SLC6A9: variants seen among roughly 807,000 people sequenced by gnomAD.
SLC6A9 encodes solute carrier family 6 member 9.
SLC6A9 carries 31 observed loss-of-function variants against 70.9 expected under a neutral mutation model. The ratio of observed to expected loss-of-function variants is 0.44; its 90% CI spans 0.33 to 0.59. The LOEUF is 0.59. Among genes scored for constraint, SLC6A9 ranks in the 20% least tolerant of loss-of-function variants. SLC6A9 has a pLI of 0.04. For synonymous variants in SLC6A9, 310 were observed against 341.3 expected (o/e 0.91, Z 1.01); for missense variants, 631 against 845.2 (o/e 0.75, Z 3.14).
chr1:44,002,440 A>C lies in SLC6A9; in HGVS notation c.859-24T>G, dbSNP rs1397812921. 6.2e-7 allele frequency: 1 copy of C among 1,612,878 alleles called. No homozygotes were observed. The highest frequency in any genetic ancestry group is 1.3e-5 in the African/African-American group (1 of 74,880). ...ACCTGCAGGGAAGGACCGGTGGGTG[A>C]GGAGCTGTGGGCAGAGGCAGGCACC... On this transcript the variant is annotated intron_variant, in intron 7 of 13. Transcript: ENST00000372310. The surrounding 1 kb of genome is among the most constrained non-coding windows in gnomAD (Gnocchi z 5.5).
At chr1:44,008,223 C>G (rs774628540) in intron 5 of SLC6A9, 130 bp downstream of exon 5, 11 of 897,894 alleles carry the variant, frequency 1.2e-5, no homozygotes, top group Admixed American at 3.8e-5. Flanking sequence ...CTTCACTCAC[C>G]TCTACCCTCT....
rs749492697 is a variant in SLC6A9 at position 43,997,552 on chromosome 1, CG to C, written c.1894del (p.Arg632GlyfsTer23). The part of the protein sequence containing the change: ...SNGSSRLQDS[R>X]I ...CTCCCCTGGCAGCTGTGCTCATATC[CG>C]GGAGTCCTGGAGGCGGCTGGAGCCA... On this transcript the variant is annotated frameshift_variant, in exon 14 of 14. Transcript: ENST00000372310. LOFTEE classifies it high-confidence loss of function. This position sits in a 1 kb window ranked among gnomAD's most constrained non-coding sequence, Gnocchi z 4.4. 1.1e-5 allele frequency: 18 copies of C among 1,613,216 alleles called. No individual in the cohort carries two copies. The East Asian group carries it at 4.0e-4, about 36-fold the overall frequency.
chr1:44,010,182 C>A, intron 3 of SLC6A9, 86 bp from the exon 4 acceptor site: 1 of 1,493,972 alleles, frequency 6.7e-7, no homozygotes, highest in Non-Finnish European at 9.2e-7. Flanking sequence ...ACAGCAAAAC[C>A]TTCGCGATTG....
rs3038812 is a variant in SLC6A9 at position 44,017,368 on chromosome 1, AACAC to A, written c.31-6490_31-6487del. 0.19 allele frequency: 156,375 copies of A among 815,050 alleles called. 701 individuals are homozygous for A. The highest frequency in any genetic ancestry group is 0.21 in the Non-Finnish European group (129,088 of 620,850). 50.5% of individuals were successfully genotyped at this position (815,050 alleles called of 1,614,324 possible). A position where few individuals can be genotyped will look rare whatever the true frequency, so the allele number is the denominator to read the frequency against. The stretch of plus-strand genomic sequence containing the variant: ...CTTGTTCCCAGCAAGTAACTGGAAC[AACAC>A]ACACACACACACACACACACACACA... On this transcript the variant is annotated intron_variant, in intron 2 of 13. Coordinates refer to ENST00000372310, the MANE Select transcript of SLC6A9 (RefSeq NM_001024845.3).
Position 44,000,768 on chromosome 1 carries a change from A to G in SLC6A9, c.1535T>C (p.Phe512Ser), listed in dbSNP as rs2086063065. 6.3e-7 allele frequency: 1 copy of G among 1,599,308 alleles called. No homozygotes were observed. The highest frequency in any genetic ancestry group is 2.2e-5 in the East Asian group (1 of 44,756). Residue 512 changes from phenylalanine to serine, a missense_variant and splice_region_variant, in exon 12 of 14, where the codon TTC (phenylalanine) becomes TCC (serine). Transcript: ENST00000372310. ...CWRFVSPAII[F>S]FILVFTVIQY... Reference sequence around the variant, plus strand: ...GGAGGGGCCGGCCAGGGAACTCACGAAGATGATGGCGGGAGAGACGAAGCG... The same window carrying G: ...GGAGGGGCCGGCCAGGGAACTCACGGAGATGATGGCGGGAGAGACGAAGCG...
At chr1:44,005,933 G>A (rs2086293500) in intron 5 of SLC6A9, among the ~76,000 whole-genome samples, 3 of 152,202 alleles carry the variant, frequency 2.0e-5, no homozygotes, top group South Asian at 4.1e-4. Context: ...GAGTGCAGCG[G>A]CTCCACCAGC....
rs1327666707 is a variant in SLC6A9 at position 43,996,740 on chromosome 1, A to T, written c.*805T>A. On this transcript the variant is annotated 3_prime_UTR_variant, in exon 14 of 14. Transcript: ENST00000372310. ...CATGAACGAGGGCAGCACATTTGGG[A>T]AGACTGGGCCTTTAGCCTCATGGAG... 1 of 153,356 alleles carries T rather than the reference A, an allele frequency of 6.5e-6. No individual in the cohort carries two copies. The highest frequency in any genetic ancestry group is 1.5e-5 in the Non-Finnish European group (1 of 68,654). 9.5% of individuals were successfully genotyped at this position (153,356 alleles called of 1,614,324 possible).
intron 1 of SLC6A9, among the ~76,000 whole-genome samples, chr1:44,028,633 T>G (rs893455720): frequency 1.3e-5 from 2 of 152,212 alleles, no homozygotes; most frequent in African/African-American, 4.8e-5. Flanking sequence ...CAGGCACCTG[T>G]AATCCCAGCT....
At chr1:43,998,150 A>G in intron 12 of SLC6A9, 125 bp from the exon 13 acceptor site, 1 of 904,390 alleles carries the variant, frequency 1.1e-6, no homozygotes, top group Non-Finnish European at 1.7e-6. Flanking sequence ...GGGGCAGAAC[A>G]GGGACAGCTG....
chr1:44,002,531 T>TC lies in SLC6A9; in HGVS notation c.838dup (p.Asp280GlyfsTer11). 6.2e-7 allele frequency: 1 copy of TC among 1,614,076 alleles called. No individual in the cohort carries two copies. The highest frequency in any genetic ancestry group is 8.5e-7 in the Non-Finnish European group (1 of 1,179,980). ...TCCCACCTTGGCCTCCAGGATCTTG[T>TC]CCCACTGCGGGGTTAGGTAGTACAT... On this transcript the variant is annotated frameshift_variant, in exon 7 of 14. Coordinates refer to ENST00000372310, the MANE Select transcript of SLC6A9 (RefSeq NM_001024845.3). LOFTEE classifies it high-confidence loss of function. The surrounding 1 kb of genome is among the most constrained non-coding windows in gnomAD (Gnocchi z 5.5).
Position 44,001,304 on chromosome 1 carries a change from G to A in SLC6A9, c.1201-6C>T. The A allele has an allele frequency of 6.2e-7, 1 of 1,614,240 alleles. No homozygotes were observed. The highest frequency in any genetic ancestry group is 8.5e-7 in the Non-Finnish European group (1 of 1,180,034). On this transcript the variant is annotated splice_polypyrimidine_tract_variant and splice_region_variant and intron_variant, in intron 9 of 13. Transcript: ENST00000372310. ...AGCGTCTCCAGGAGGCAGAACTGCAGGATGTGGCTGTCAGATCGGAGACCT... is the reference window on the plus strand; with the variant it reads ...AGCGTCTCCAGGAGGCAGAACTGCAAGATGTGGCTGTCAGATCGGAGACCT...
At chr1:44,014,013 C>T (rs775974633) in intron 2 of SLC6A9, among the ~76,000 whole-genome samples, 4 of 152,108 alleles carry the variant, frequency 2.6e-5, no homozygotes, top group Non-Finnish European at 4.4e-5. Context: ...GAGGTACCCA[C>T]GGAAAAATCC....
rs756956533 is a variant in SLC6A9, at chr1:44,002,499, C to T, written c.858+13G>A. The T allele has an allele frequency of 1.1e-5, 17 of 1,614,010 alleles. No homozygotes were observed. Among genetic ancestry groups the T allele is most frequent in the Admixed American group, 5.0e-5 (3 of 59,994 alleles). ...CCCTCCCCAGCCCCCTTCCGGTTTC[C>T]CTCACTTCCCACCTTGGCCTCCAGG... On this transcript the variant is annotated intron_variant, in intron 7 of 13. Transcript: ENST00000372310. The surrounding 1 kb of genome is among the most constrained non-coding windows in gnomAD (Gnocchi z 5.5).
At chr1:43,999,910 C>T (rs910095606) in intron 12 of SLC6A9, among the ~76,000 whole-genome samples, 1 of 152,200 alleles carries the variant, frequency 6.6e-6, no homozygotes, top group African/African-American at 2.4e-5. Context: ...TTCCCCGAAT[C>T]CCACCCCAAA....
At chr1:44,024,427 G>T in intron 1 of SLC6A9, 65 bp from the exon 2 acceptor site, 1 of 936,858 alleles carries the variant, frequency 1.1e-6, no homozygotes, top group Non-Finnish European at 1.7e-6. Flanking sequence ...CTCCAGACAG[G>T]TAGTGCCGAG....
chr1:44,019,294 TC>T (rs1482480803), intron 2 of SLC6A9, among the ~76,000 whole-genome samples: 1 of 152,242 alleles, frequency 6.6e-6, no homozygotes, highest in Non-Finnish European at 1.5e-5. Flanking sequence ...CATTGGGTCC[TC>T]CCAGCTGTCC....
At chr1:44,007,391 C>A (rs1302712518) in intron 5 of SLC6A9, among the ~76,000 whole-genome samples, 1 of 152,156 alleles carries the variant, frequency 6.6e-6, no homozygotes, top group Non-Finnish European at 1.5e-5. Context: ...ATGGTGGAGG[C>A]CTGCCAGCAT....
intron 2 of SLC6A9, among the ~76,000 whole-genome samples, chr1:44,014,251 C>A (rs1338455619): frequency 6.6e-6 from 1 of 152,122 alleles, no homozygotes; most frequent in Non-Finnish European, 1.5e-5. Flanking sequence ...TAGGCAGCCC[C>A]TATGTGCCCT....
rs2906600 is a variant in SLC6A9 at position 44,022,710 on chromosome 1, C to T, written c.30+1538G>A. Among the ~76,000 whole-genome samples, 10 of 78,068 alleles carry T rather than the reference C, an allele frequency of 1.3e-4. 1 individual carries two copies. In the African/African-American group the frequency reaches 1.6e-3, roughly 12 times the overall value. 51.2% of individuals were successfully genotyped at this position (78,068 alleles called of 152,430 possible). A position where few individuals can be genotyped will look rare whatever the true frequency, so the allele number is the denominator to read the frequency against. ...GCTGTTTTTTAATTTTTCTTTCTTT[C>T]TTTCTTTCTTTCTTTTTTTTTTTTT... On this transcript the variant is annotated intron_variant, in intron 2 of 13. Coordinates refer to ENST00000372310, the MANE Select transcript of SLC6A9 (RefSeq NM_001024845.3).
Sources: gnomAD v4.1 joint callset for allele counts (sites outside exome capture counted in the v4.1 genomes callset) on GRCh38, gnomAD v4.1.1 for gene constraint, Gnocchi (gnomAD v3.1) non-coding constraint, MANE v1.5 for transcripts, NCBI Gene and HGNC (gene_info 2026-07-23, HGNC 2026-07-21) for gene names.